Variants in MEGF6 observed in about 807,000 individuals in gnomAD.
MEGF6 encodes multiple epidermal growth factor-like domains protein 6.
MEGF6 carries 184 observed loss-of-function variants against 207.1 expected under a neutral mutation model. The ratio of observed to expected loss-of-function variants is 0.89; its 90% CI spans 0.79 to 1.00. The LOEUF is 1.00. Among genes scored for constraint, MEGF6 ranks in the 50% least tolerant of loss-of-function variants. MEGF6 has a pLI of 0.00. For missense variants in MEGF6, 2,282 were observed against 2,202.9 expected (o/e 1.04, Z -0.72); for synonymous variants, 1,038 against 910.0 (o/e 1.14, Z -2.53).
intron 17 of MEGF6, 92 bp downstream of exon 17, chr1:3,505,116 T>C: frequency 6.6e-7 from 1 of 1,512,416 alleles, no homozygotes; most frequent in Non-Finnish European, 8.9e-7. Context: ...TAGTGACAGC[T>C]GTGCAGCCCT....
At chr1:3,581,328 G>A (rs1283362878) in intron 3 of MEGF6, among the ~76,000 whole-genome samples, 1 of 152,042 alleles carries the variant, frequency 6.6e-6, no homozygotes, top group East Asian at 1.9e-4. Flanking sequence ...TCCCCACCTG[G>A]GCCCTCACAC....
chr1:3,620,896 G>A, the MEGF6 span, among the ~76,000 whole-genome samples: 1 of 152,244 alleles, frequency 6.6e-6, no homozygotes, highest in Non-Finnish European at 1.5e-5. Context: ...AGGTCACGTG[G>A]TTCACATGTC....
At chr1:3,527,311 G>A (rs1642000198) in intron 4 of MEGF6, among the ~76,000 whole-genome samples, 1 of 152,224 alleles carries the variant, frequency 6.6e-6, no homozygotes, top group Non-Finnish European at 1.5e-5. Context: ...GGCTGTGCCT[G>A]CCACCTATGG....
intron 34 of MEGF6, 141 bp downstream of exon 34, chr1:3,493,630 G>A (rs1640470329): frequency 3.3e-6 from 4 of 1,206,164 alleles, no homozygotes; most frequent in African/African-American, 1.5e-5. Context: ...AGCCCCCCCA[G>A]GGGGCACAGT....
chr1:3,505,916 GCA>G (rs1188842915), intron 15 of MEGF6, among the ~76,000 whole-genome samples, 190 bp downstream of exon 15: 1 of 152,238 alleles, frequency 6.6e-6, no homozygotes, highest in Non-Finnish European at 1.5e-5. Flanking sequence ...CTGGATGCCA[GCA>G]CAGTCACAGT....
chr1:3,595,721 G>C (rs1262023016), intron 2 of MEGF6, among the ~76,000 whole-genome samples: 1 of 152,174 alleles, frequency 6.6e-6, no homozygotes, highest in Admixed American at 6.5e-5. Context: ...CACTGCCCCT[G>C]CCTGGCCCCC....
rs533837055 is a variant in MEGF6, at chr1:3,544,226, C to A, written c.482-19980G>T. Among the ~76,000 whole-genome samples, 3 of 151,106 alleles carry A rather than the reference C, an allele frequency of 2.0e-5. No homozygotes were observed. The South Asian group carries it at 6.2e-4, about 31-fold the overall frequency. ...CAGCGTCGCAGCGGCATCAGGCTAA[C>A]CCTCTCCCCCCAGCATCGCAGCGGC... On this transcript the variant is annotated intron_variant, in intron 4 of 36. Coordinates refer to ENST00000356575, the MANE Select transcript of MEGF6 (RefSeq NM_001409.4).
Position 3,494,363 on chromosome 1 carries a change from C to A in MEGF6, c.4129+8G>T. On this transcript the variant is annotated splice_region_variant and intron_variant, in intron 32 of 36. Transcript: ENST00000356575. The stretch of plus-strand genomic sequence containing the variant: ...GCCCCAGCCCAGCTGCACAGGCCCC[C>A]AACTCACGGTGCTCGCAGGCCTGGC... The A allele has an allele frequency of 1.3e-6, 2 of 1,539,312 alleles. No individual in the cohort carries two copies. Among genetic ancestry groups the A allele is most frequent in the Non-Finnish European group, 8.7e-7 (1 of 1,146,978 alleles).
At chr1:3,566,599 C>T (rs933363558) in intron 4 of MEGF6, among the ~76,000 whole-genome samples, 5 of 152,186 alleles carry the variant, frequency 3.3e-5, no homozygotes, top group Admixed American at 6.5e-5. Flanking sequence ...CCTCGAGGAC[C>T]AGCCGCTCGG....
intron 9 of MEGF6, 86 bp from the exon 10 acceptor site, chr1:3,510,988 A>C: frequency 7.3e-6 from 11 of 1,511,230 alleles, no homozygotes; most frequent in Non-Finnish European, 9.8e-6. Flanking sequence ...ATACGACCAC[A>C]CACAACCCAC....
chr1:3,610,397 T>C (rs1428945288), intron 1 of MEGF6, among the ~76,000 whole-genome samples: 1 of 152,072 alleles, frequency 6.6e-6, no homozygotes, highest in African/African-American at 2.4e-5. Flanking sequence ...CAGGAGGCCT[T>C]CACCTGGACC....
intron 24 of MEGF6, 73 bp downstream of exon 24, chr1:3,499,065 G>A (rs897945178): frequency 6.4e-7 from 1 of 1,558,978 alleles, no homozygotes; most frequent in Middle Eastern, 2.2e-4. Flanking sequence ...CAAGTGTCCT[G>A]TGGGCCCTGC....
At position 3,511,555 on chromosome 1, in the gene MEGF6, C is replaced by T; in HGVS notation, c.1109G>A (p.Cys370Tyr). 1.2e-6 allele frequency: 2 copies of T among 1,605,354 alleles called. No individual in the cohort carries two copies. The highest frequency in any genetic ancestry group is 1.7e-6 in the Non-Finnish European group (2 of 1,174,310). ...GYELDTDQRT[C>Y]IDVDDCADSP... Reference sequence around the variant, plus strand: ...TGGGAGGAGCCAGTGCGCACCGATGCAGGTCCTCTGATCTGTGTCCAGCTC... The same window carrying T: ...TGGGAGGAGCCAGTGCGCACCGATGTAGGTCCTCTGATCTGTGTCCAGCTC... Residue 370 changes from cysteine to tyrosine, a missense_variant, in exon 9 of 37, where the codon TGC becomes TAC. By Grantham distance (194) the Cys-to-Tyr change is radical (BLOSUM62 -2). Coordinates refer to ENST00000356575, the MANE Select transcript of MEGF6 (RefSeq NM_001409.4).
chr1:3,563,722 G>C (rs1033824502), intron 4 of MEGF6, among the ~76,000 whole-genome samples: 7 of 152,192 alleles, frequency 4.6e-5, no homozygotes, highest in African/African-American at 1.7e-4. Flanking sequence ...TGATGTTCAG[G>C]TTGTTTGAAT....
intron 3 of MEGF6, among the ~76,000 whole-genome samples, chr1:3,580,857 C>T (rs949228328): frequency 3.3e-5 from 5 of 152,126 alleles, no homozygotes; most frequent in African/African-American, 1.2e-4. Context: ...CACCCCGGAG[C>T]CTGTGTGACC....
At chr1:3,540,391 T>C (rs758076197) in intron 4 of MEGF6, among the ~76,000 whole-genome samples, 2 of 152,216 alleles carry the variant, frequency 1.3e-5, no homozygotes, top group Non-Finnish European at 2.9e-5. Flanking sequence ...CTGAAGAATG[T>C]TGGCCTGGGG....
chr1:3,556,623 G>A lies in MEGF6; in HGVS notation c.481+23202C>T, dbSNP rs566414900. Among the ~76,000 whole-genome samples, 50 of 152,228 alleles carry A rather than the reference G, an allele frequency of 3.3e-4. No individual in the cohort carries two copies. The South Asian group carries it at 9.8e-3, about 30-fold the overall frequency. ...GAGGACCCGGTGACTGCCTGAGGCCGGGACACACTGGAGACGAATAGGACT... is the reference window on the plus strand; with the variant it reads ...GAGGACCCGGTGACTGCCTGAGGCCAGGACACACTGGAGACGAATAGGACT... On this transcript the variant is annotated intron_variant, in intron 4 of 36. Coordinates refer to ENST00000356575, the MANE Select transcript of MEGF6 (RefSeq NM_001409.4). This position sits in a 1 kb window ranked among gnomAD's most constrained non-coding sequence, Gnocchi z 4.4.
chr1:3,621,460 G>T, the MEGF6 span, among the ~76,000 whole-genome samples: 1,594 of 152,296 alleles, frequency 0.01, 31 homozygotes, highest in African/African-American at 0.037. Flanking sequence ...ATTGTAGAGC[G>T]AGGATTATTA....
At chr1:3,503,652 A>T (rs1308790497) in intron 17 of MEGF6, among the ~76,000 whole-genome samples, 1 of 151,794 alleles carries the variant, frequency 6.6e-6, no homozygotes, top group Non-Finnish European at 1.5e-5. Context: ...GTCTGCATGC[A>T]CCTGCCTGCA....
Sources: allele counts gnomAD v4.1 joint callset (sites outside exome capture counted in the v4.1 genomes callset), GRCh38; gene constraint gnomAD v4.1.1; non-coding constraint Gnocchi (gnomAD v3.1); transcripts MANE v1.5; gene names NCBI Gene and HGNC (gene_info 2026-07-23, HGNC 2026-07-21).